Variants in MSRA observed in about 807,000 individuals in gnomAD.
MSRA encodes methionine sulfoxide reductase A.
In MSRA, 54 loss-of-function variants were observed where a neutral mutation model predicts 31.3. That is an observed-to-expected ratio of 1.73 (90% CI 1.39 to 2.17). The LOEUF (loss-of-function observed/expected upper bound fraction) is 2.17. Ranked by LOEUF, MSRA falls within the 30% of genes most tolerant of loss-of-function variation. MSRA has a pLI of 0.00. For synonymous variants in MSRA, 169 were observed against 116.5 expected (o/e 1.45, Z -2.90); for missense variants, 507 against 300.9 (o/e 1.69, Z -5.07).
At chr8:10,155,451 G>A (rs572009890) in intron 1 of MSRA, among the ~76,000 whole-genome samples, 2 of 152,170 alleles carry the variant, frequency 1.3e-5, no homozygotes, top group Admixed American at 6.5e-5. Flanking sequence ...ATCCCAATAC[G>A]CACACATTCT....
chr8:10,373,303 G>A (rs985901984), intron 5 of MSRA, among the ~76,000 whole-genome samples: 3 of 152,240 alleles, frequency 2.0e-5, no homozygotes, highest in Non-Finnish European at 4.4e-5. Context: ...TGAAAGATTA[G>A]GTAAATTGTC....
chr8:10,370,687 C>G (rs1185583149), intron 5 of MSRA, among the ~76,000 whole-genome samples: 1 of 152,208 alleles, frequency 6.6e-6, no homozygotes, highest in African/African-American at 2.4e-5. Flanking sequence ...CTTGCCACCT[C>G]CAGGCCACGT....
chr8:10,228,936 T>G (rs1811232653), intron 2 of MSRA, among the ~76,000 whole-genome samples: 1 of 152,204 alleles, frequency 6.6e-6, no homozygotes, highest in African/African-American at 2.4e-5. Flanking sequence ...ACTTGCTGTT[T>G]GTAGGGAAAA....
intron 1 of MSRA, among the ~76,000 whole-genome samples, chr8:10,074,713 C>T (rs1797915452): frequency 6.6e-6 from 1 of 151,960 alleles, no homozygotes; most frequent in African/African-American, 2.4e-5. Context: ...GGCTGGAGTG[C>T]AGTAGTACGA....
At chr8:10,177,753 C>A (rs1279995676) in intron 1 of MSRA, among the ~76,000 whole-genome samples, 1 of 152,164 alleles carries the variant, frequency 6.6e-6, no homozygotes, top group Non-Finnish European at 1.5e-5. Flanking sequence ...GGTCTATGGA[C>A]AGCCCTGAAA....
intron 5 of MSRA, among the ~76,000 whole-genome samples, chr8:10,399,531 T>G (rs11250002): frequency 0.3 from 45,317 of 152,034 alleles, 7,465 homozygotes; most frequent in Non-Finnish European, 0.37. Context: ...CACTTTGCCT[T>G]CAGCCATAAG....
chr8:10,207,748 A>T, intron 1 of MSRA, 85 bp from the exon 2 acceptor site: 1 of 1,232,538 alleles, frequency 8.1e-7, no homozygotes, highest in Non-Finnish European at 1.1e-6. Flanking sequence ...AAGGAGAAAT[A>T]GGCTCATTGA....
intron 1 of MSRA, among the ~76,000 whole-genome samples, chr8:10,095,251 G>C (rs753709163): frequency 6.6e-6 from 1 of 152,182 alleles, no homozygotes; most frequent in Non-Finnish European, 1.5e-5. Context: ...GTCGCATATG[G>C]ACATTTCTAG....
At chr8:10,345,836 G>A (rs927448211) in intron 5 of MSRA, among the ~76,000 whole-genome samples, 1 of 152,166 alleles carries the variant, frequency 6.6e-6, no homozygotes, top group African/African-American at 2.4e-5. Context: ...CTACCTTTTA[G>A]GAGCAGCCTG....
chr8:10,348,247 G>C (rs1290092247), intron 5 of MSRA, among the ~76,000 whole-genome samples: 3 of 149,326 alleles, frequency 2.0e-5, no homozygotes, highest in Non-Finnish European at 4.4e-5. Context: ...AAATTGCTTT[G>C]TATTTGAATC....
rs1554468813 is a variant in MSRA, at chr8:10,155,002, T to TATATATATATATATATATATA, written c.143-52831_143-52830insATATATATATATATATATATA. Among the ~76,000 whole-genome samples, 204 of 123,958 alleles carry TATATATATATATATATATATA rather than the reference T, an allele frequency of 1.6e-3. 8 individuals carry two copies. Among genetic ancestry groups the TATATATATATATATATATATA allele is most frequent in the Admixed American group, 5.3e-3 (66 of 12,348 alleles). The allele number at this position is 123,958 out of a possible 152,430, so 81.3% of individuals were successfully genotyped here. On this transcript the variant is annotated intron_variant, in intron 1 of 5. Transcript: ENST00000317173. ...AATAGTTTGATAATGTGTATATATT[T>TATATATATATATATATATATA]TATATATATATAGGTTTTACCTTGC... is the stretch of plus-strand genomic sequence containing the variant.
intron 1 of MSRA, among the ~76,000 whole-genome samples, chr8:10,131,974 C>T (rs1801929641): frequency 1.3e-5 from 2 of 152,046 alleles, no homozygotes; most frequent in Non-Finnish European, 2.9e-5. Context: ...TGTTTATAAG[C>T]CTTTTATATG....
At chr8:10,399,711 C>G (rs1296764726) in intron 5 of MSRA, among the ~76,000 whole-genome samples, 1 of 152,072 alleles carries the variant, frequency 6.6e-6, no homozygotes, top group Non-Finnish European at 1.5e-5. Flanking sequence ...TCCCTGTAGC[C>G]CTATATAGGA....
At chr8:10,413,967 C>T (rs539718767) in intron 5 of MSRA, among the ~76,000 whole-genome samples, 1 of 152,090 alleles carries the variant, frequency 6.6e-6, no homozygotes, top group Non-Finnish European at 1.5e-5. Flanking sequence ...GAGTTTGAGA[C>T]AGACCCAGGC....
chr8:10,386,149 C>G (rs1326051542), intron 5 of MSRA, among the ~76,000 whole-genome samples: 1 of 152,114 alleles, frequency 6.6e-6, no homozygotes, highest in African/African-American at 2.4e-5. Flanking sequence ...AAATATATTT[C>G]TTTTAATTCT....
intron 5 of MSRA, among the ~76,000 whole-genome samples, chr8:10,355,061 C>T (rs924492624): frequency 2.6e-5 from 4 of 152,126 alleles, no homozygotes; most frequent in Admixed American, 1.3e-4. Context: ...GTATTTTCTT[C>T]ACTGGCATTT....
At chr8:10,126,275 C>T (rs1352696426) in intron 1 of MSRA, among the ~76,000 whole-genome samples, 4 of 152,030 alleles carry the variant, frequency 2.6e-5, no homozygotes, top group East Asian at 1.9e-4. Flanking sequence ...TTTTAAATAC[C>T]GTATTGTTTT....
At chr8:10,378,855 A>G (rs1222613776) in intron 5 of MSRA, among the ~76,000 whole-genome samples, 3 of 152,136 alleles carry the variant, frequency 2.0e-5, no homozygotes, top group Non-Finnish European at 2.9e-5. Flanking sequence ...CAGACTAACC[A>G]CGTGTGTTCC....
Position 10,391,452 on chromosome 8 carries a change from A to T in MSRA, c.544-36696A>T, listed in dbSNP as rs4610752. 1.4e-4 allele frequency among the ~76,000 whole-genome samples: 22 copies of T among 152,176 alleles called. 1 individual carries two copies. The highest frequency in any genetic ancestry group is 9.2e-4 in the Admixed American group (14 of 15,300). ...TGGGACTTAGCAAGCTGTGGTGAGT[A>T]TCTGTGGCATTCTCTGATTGAACCA... On this transcript the variant is annotated intron_variant, in intron 5 of 5. Transcript: ENST00000317173.
Sources: gnomAD v4.1 joint callset for allele counts (sites outside exome capture counted in the v4.1 genomes callset) on GRCh38, gnomAD v4.1.1 for gene constraint, MANE v1.5 for transcripts, NCBI Gene and HGNC (gene_info 2026-07-23, HGNC 2026-07-21) for gene names.